Variants in RAI1 observed in about 807,000 individuals in gnomAD.
RAI1 encodes retinoic acid-induced protein 1.
In RAI1, 9 loss-of-function variants were observed where a neutral mutation model predicts 123.8. That is an observed-to-expected ratio of 0.07 (90% confidence interval 0.04 to 0.13). The LOEUF is 0.13. RAI1 is among the 10% of genes least tolerant of loss of function. The pLI, the probability that RAI1 is intolerant of heterozygous loss-of-function variation, is 1.00. For missense variants in RAI1, 2,256 were observed against 2,545.8 expected (o/e 0.89, Z 2.45); for synonymous variants, 1,231 against 1,127.3 (o/e 1.09, Z -1.84).
intron 2 of RAI1, chr17:17,759,122 CA>C (rs1383419499): frequency 6.6e-6 from 1 of 152,234 alleles, no homozygotes; most frequent in African/African-American, 2.4e-5. Context: ...AGGCAGGAAG[CA>C]GGGGAGGCTG....
At position 17,755,615 on chromosome 17, in the gene RAI1, C is replaced by T. The variant is rs79759150; in HGVS notation, c.-17+31456C>T. Among the ~76,000 whole-genome samples the T allele has an allele frequency of 4.0e-3, 616 of 152,292 alleles. 4 individuals are homozygous for T. Among genetic ancestry groups the T allele is most frequent in the African/African-American group, 0.014 (582 of 41,564 alleles). On this transcript the variant is annotated intron_variant, in intron 2 of 5. Transcript: ENST00000353383. The stretch of plus-strand genomic sequence containing the variant: ...TCCCTCCAAGGAGCATGTCCTCCTC[C>T]ATCAGTCAGTGTCCTAGCCAGCAGG...
rs898986244 is a variant in RAI1, at chr17:17,796,597, C to G, written c.3649C>G (p.Arg1217Gly). ...TGGTGCAGGCAGCAAGCTCTCTGAC[C>G]GGCCCCTCCATGCGCTCAAAAGGAA... is the stretch of plus-strand genomic sequence containing the variant. ...KPGAGSKLSD[R>G]PLHALKRKSA... The change falls in exon 3 of 6, where the codon CGG (arginine) becomes GGG (glycine). Residue 1217 changes from arginine (R) to glycine (G), a missense_variant. By Grantham distance (125) the Arg-to-Gly change is moderately radical (BLOSUM62 -2). This residue lies in a region of RAI1 where 322 missense variants were observed against 358.0 expected (regional missense o/e 0.90). Coordinates refer to ENST00000353383, the MANE Select transcript of RAI1 (RefSeq NM_030665.4). The surrounding 1 kb of genome is among the most constrained non-coding windows in gnomAD (Gnocchi z 5.8). The G allele has an allele frequency of 2.5e-6, 4 of 1,611,918 alleles. No homozygotes were observed. Among genetic ancestry groups the G allele is most frequent in the African/African-American group, 2.7e-5 (2 of 74,942 alleles).
chr17:17,695,263 A>C (rs1357425629), intron 1 of RAI1, among the ~76,000 whole-genome samples: 1 of 151,982 alleles, frequency 6.6e-6, no homozygotes, highest in Non-Finnish European at 1.5e-5. Flanking sequence ...GGGACTGCAC[A>C]CCTCACCCGG....
At chr17:17,783,303 G>A (rs1373987345) in intron 2 of RAI1, among the ~76,000 whole-genome samples, 1 of 152,092 alleles carries the variant, frequency 6.6e-6, no homozygotes, top group East Asian at 1.9e-4. Flanking sequence ...TGCCGGCAGA[G>A]CCCGAGGTTG....
chr17:17,784,434 G>T (rs530031981), intron 2 of RAI1, among the ~76,000 whole-genome samples: 71 of 152,350 alleles, frequency 4.7e-4, no homozygotes, highest in African/African-American at 1.6e-3. Flanking sequence ...AGGCACTCTG[G>T]GGCATAGAGC....
Position 17,796,446 on chromosome 17 carries a change from C to T in RAI1, c.3498C>T (p.Gly1166=). The T allele has an allele frequency of 1.2e-6, 2 of 1,612,996 alleles. No homozygotes were observed. Residue 1166 remains glycine (G), a synonymous_variant, in exon 3 of 6, where the codon GGC becomes GGT. Coordinates refer to ENST00000353383, the MANE Select transcript of RAI1 (RefSeq NM_030665.4). The surrounding 1 kb of genome is among the most constrained non-coding windows in gnomAD (Gnocchi z 5.8). ...FHSKRRRPSE[G]RLPNCRATKK... Reference sequence around the variant, plus strand: ...CCAAGCGGCGGAGGCCCTCTGAGGGCCGGCTCCCCAACTGCCGTGCCACCA... The same window carrying T: ...CCAAGCGGCGGAGGCCCTCTGAGGGTCGGCTCCCCAACTGCCGTGCCACCA...
intron 1 of RAI1, among the ~76,000 whole-genome samples, chr17:17,722,675 TCA>T (rs1196068422): frequency 2.0e-5 from 3 of 152,164 alleles, no homozygotes; most frequent in African/African-American, 7.2e-5. Flanking sequence ...TCATCGAGTC[TCA>T]GTTCTCGCTG....
chr17:17,721,386 C>T (rs1207119975), intron 1 of RAI1, among the ~76,000 whole-genome samples: 1 of 152,110 alleles, frequency 6.6e-6, no homozygotes, highest in Admixed American at 6.5e-5. Flanking sequence ...CTACCAGATA[C>T]CTAAATATGT....
At chr17:17,779,647 A>G (rs955027546) in intron 2 of RAI1, 1 of 152,156 alleles carries the variant, frequency 6.6e-6, no homozygotes, top group African/African-American at 2.4e-5. Context: ...CCTCATTATC[A>G]TAATTCTGCA....
chr17:17,721,175 C>G (rs1915870090), intron 1 of RAI1, among the ~76,000 whole-genome samples: 1 of 152,162 alleles, frequency 6.6e-6, no homozygotes, highest in African/African-American at 2.4e-5. Flanking sequence ...TGCTCCACCC[C>G]ACCCCCATTT....
intron 2 of RAI1, among the ~76,000 whole-genome samples, chr17:17,733,177 C>T (rs1312152018): frequency 6.6e-6 from 1 of 152,126 alleles, no homozygotes; most frequent in African/African-American, 2.4e-5. Context: ...GGTTCCTGCC[C>T]TGGCATCCTG....
chr17:17,797,256 G>T lies in RAI1; in HGVS notation c.4308G>T (p.Gln1436His), dbSNP rs746354411. 1 of 1,613,312 alleles carries T rather than the reference G, an allele frequency of 6.2e-7. No individual in the cohort carries two copies. Residue 1436 changes from glutamine (Q) to histidine (H), a missense_variant, in exon 3 of 6, where the codon CAG becomes CAT. Physicochemically the swap from Gln to His is conservative, Grantham distance 24. Transcript: ENST00000353383. ...CCTTCACATCCCCGGAGGCCCTGCA[G>T]CCTGGGGGGACTGCCCTGGCGCCTA... ...TEAFTSPEAL[Q>H]PGGTALAPKK...
At chr17:17,691,877 T>C (rs1914849785) in intron 1 of RAI1, among the ~76,000 whole-genome samples, 1 of 152,146 alleles carries the variant, frequency 6.6e-6, no homozygotes, top group Non-Finnish European at 1.5e-5. Flanking sequence ...ATTTGCAGCT[T>C]TCTGATAGGT....
chr17:17,790,940 C>T lies in RAI1; in HGVS notation c.-16-1993C>T, dbSNP rs147260423. On this transcript the variant is annotated intron_variant, in intron 2 of 5. Coordinates refer to ENST00000353383, the MANE Select transcript of RAI1 (RefSeq NM_030665.4). Reference sequence around the variant, plus strand: ...CAGAACCAAGTGCCGTCCCCAGCTCCTCTGGGTTGGCGCGTCGCAGCAGGA... The same window carrying T: ...CAGAACCAAGTGCCGTCCCCAGCTCTTCTGGGTTGGCGCGTCGCAGCAGGA... 6.5e-4 allele frequency among the ~76,000 whole-genome samples: 99 copies of T among 152,366 alleles called. 4 individuals carry two copies. In the Middle Eastern group the frequency reaches 0.014, roughly 21 times the overall value.
In RAI1 at chr17:17,788,318, C is replaced by A. The variant is rs1286172920; in HGVS notation, c.-16-4615C>A. 4.6e-5 allele frequency among the ~76,000 whole-genome samples: 7 copies of A among 152,314 alleles called. No homozygotes were observed. The South Asian group carries it at 1.0e-3, about 23-fold the overall frequency. Reference sequence around the variant, plus strand: ...AGCCTATGGGCACCCAACCTCTTGTCTTGTGGGCTCCTTGGAAACTCGCCC... The same window carrying A: ...AGCCTATGGGCACCCAACCTCTTGTATTGTGGGCTCCTTGGAAACTCGCCC... On this transcript the variant is annotated intron_variant, in intron 2 of 5. Coordinates refer to ENST00000353383, the MANE Select transcript of RAI1 (RefSeq NM_030665.4).
At chr17:17,787,268 C>T (rs1247313952) in intron 2 of RAI1, among the ~76,000 whole-genome samples, 1 of 152,136 alleles carries the variant, frequency 6.6e-6, no homozygotes, top group Non-Finnish European at 1.5e-5. Context: ...ATCAGCCTGG[C>T]CTCGTGGGGG....
At chr17:17,702,960 A>G (rs1915275590) in intron 1 of RAI1, among the ~76,000 whole-genome samples, 1 of 152,236 alleles carries the variant, frequency 6.6e-6, no homozygotes. Flanking sequence ...TGCTGCTGCC[A>G]GACGTGAGGA....
chr17:17,721,814 A>G (rs1366056855), intron 1 of RAI1, among the ~76,000 whole-genome samples: 4 of 152,170 alleles, frequency 2.6e-5, no homozygotes, highest in Non-Finnish European at 5.9e-5. Flanking sequence ...AAATATGGGG[A>G]GCCCCGAGTG....
At chr17:17,779,771 C>CTTTTT (rs35262127) in intron 2 of RAI1, among the ~76,000 whole-genome samples, 2 of 107,958 alleles carry the variant, frequency 1.9e-5, no homozygotes, top group Non-Finnish European at 1.9e-5. Context: ...CCTCCCCACC[C>CTTTTT]TTTTTTTTTT....
Sources: allele counts gnomAD v4.1 joint callset (sites outside exome capture counted in the v4.1 genomes callset), GRCh38; gene constraint gnomAD v4.1.1; regional missense constraint gnomAD v4.1.1; non-coding constraint Gnocchi (gnomAD v3.1); transcripts MANE v1.5; gene names NCBI Gene and HGNC (gene_info 2026-07-23, HGNC 2026-07-21).